The following DCAF8L2 variants were observed in gnomAD, a reference collection of about 807,000 sequenced individuals.
DCAF8L2 encodes the protein DDB1 and CUL4 associated factor 8 like 2, also known as DDB1- and CUL4-associated factor 8-like protein 2.
For synonymous variants in DCAF8L2, 200 were observed against 190.9 expected (o/e 1.05, Z -0.39); for missense variants, 430 against 490.7 (o/e 0.88, Z 1.17).
chrX:27,509,103 A>G, the DCAF8L2 span, among the ~76,000 whole-genome samples: 1 of 111,666 alleles, frequency 9.0e-6, no homozygotes, highest in African/African-American at 3.2e-5. Context: ...GTTTTTTTCT[A>G]TCAGATATTA....
chrX:27,640,124 T>C (rs750566167), intron 2 of DCAF8L2, among the ~76,000 whole-genome samples: 2 of 111,377 alleles, frequency 1.8e-5, no homozygotes, highest in Admixed American at 9.6e-5. Flanking sequence ...TGTAGGGACA[T>C]GGATGAAGCT....
At chrX:27,573,927 T>C in the DCAF8L2 span, among the ~76,000 whole-genome samples, 1 of 110,747 alleles carries the variant, frequency 9.0e-6, no homozygotes, top group African/African-American at 3.3e-5. Flanking sequence ...ATTACTGAGT[T>C]TAAGTAATCT....
intron 3 of DCAF8L2, among the ~76,000 whole-genome samples, chrX:27,711,093 T>G (rs576900832): frequency 8.9e-6 from 1 of 111,852 alleles, no homozygotes; most frequent in East Asian, 2.8e-4. Flanking sequence ...TTTTGTTCTC[T>G]TAATATGGTT....
the DCAF8L2 span, among the ~76,000 whole-genome samples, chrX:27,528,089 A>T: frequency 1.5e-5 from 1 of 68,292 alleles, no homozygotes; most frequent in South Asian, 5.6e-4. Context: ...ATTAATTATT[A>T]GACTAATTTT....
chrX:27,617,832 G>C (rs970635330), intron 1 of DCAF8L2, among the ~76,000 whole-genome samples: 3 of 111,696 alleles, frequency 2.7e-5, no homozygotes, highest in Non-Finnish European at 5.7e-5. Flanking sequence ...TTATGGGACA[G>C]AGGAACTAGA....
At chrX:27,526,666 T>G in the DCAF8L2 span, among the ~76,000 whole-genome samples, 2 of 112,281 alleles carry the variant, frequency 1.8e-5, no homozygotes, top group African/African-American at 6.5e-5. Flanking sequence ...TTATCTACCT[T>G]TGGTCTTTGA....
At chrX:27,588,844 A>G (rs1468062223), upstream of DCAF8L2, among the ~76,000 whole-genome samples, 2 of 111,086 alleles carry the variant, frequency 1.8e-5, no homozygotes, top group East Asian at 5.6e-4. Flanking sequence ...AGCTTCTAAG[A>G]CAATATAACC....
chrX:27,674,947 C>A (rs1263020747), intron 2 of DCAF8L2, among the ~76,000 whole-genome samples: 1 of 111,064 alleles, frequency 9.0e-6, no homozygotes, highest in Non-Finnish European at 1.9e-5. Flanking sequence ...CTTTTTAACA[C>A]CCAATGGAAA....
intron 3 of DCAF8L2, among the ~76,000 whole-genome samples, chrX:27,695,934 C>T (rs1930877679): frequency 9.0e-6 from 1 of 110,515 alleles, no homozygotes; most frequent in South Asian, 3.8e-4. Context: ...TGGCTCACAT[C>T]TGTAATCCCA....
intron 1 of DCAF8L2, among the ~76,000 whole-genome samples, chrX:27,604,317 T>C (rs1926780633): frequency 9.0e-6 from 1 of 110,968 alleles, no homozygotes; most frequent in Non-Finnish European, 1.9e-5. Flanking sequence ...TGCACAATAA[T>C]AAATTACATA....
chrX:27,557,452 A>G, the DCAF8L2 span, among the ~76,000 whole-genome samples: 1 of 112,339 alleles, frequency 8.9e-6, no homozygotes, highest in Admixed American at 9.5e-5. Flanking sequence ...GGTAAGCATT[A>G]CTACCATAAA....
chrX:27,632,241 A>G (rs753857918), intron 2 of DCAF8L2: 3 of 111,792 alleles, frequency 2.7e-5, no homozygotes, highest in African/African-American at 9.8e-5. Flanking sequence ...ATCTCTTGTA[A>G]AGGTATTTTT....
intron 3 of DCAF8L2, among the ~76,000 whole-genome samples, chrX:27,684,183 T>C (rs1335225543): frequency 8.9e-6 from 1 of 111,788 alleles, no homozygotes; most frequent in Non-Finnish European, 1.9e-5. Context: ...GAGCTAACGA[T>C]GTCTGGAACC....
the DCAF8L2 span, among the ~76,000 whole-genome samples, chrX:27,483,857 T>C: frequency 1.8e-5 from 2 of 111,196 alleles, no homozygotes; most frequent in Non-Finnish European, 3.8e-5. Context: ...ATAGGGGTTG[T>C]GAAGGAAAAG....
chrX:27,582,592 T>C, the DCAF8L2 span, among the ~76,000 whole-genome samples: 1 of 111,798 alleles, frequency 8.9e-6, no homozygotes, highest in African/African-American at 3.2e-5. Context: ...AAACATGATA[T>C]TGTGCCTCAG....
At chrX:27,671,621 A>G (rs1288964193) in intron 2 of DCAF8L2, among the ~76,000 whole-genome samples, 1 of 111,869 alleles carries the variant, frequency 8.9e-6, no homozygotes, top group Non-Finnish European at 1.9e-5. Flanking sequence ...CAGTCAGATA[A>G]AAACCTACTT....
At chrX:27,608,918 T>A (rs1927033985) in intron 1 of DCAF8L2, among the ~76,000 whole-genome samples, 1 of 110,683 alleles carries the variant, frequency 9.0e-6, no homozygotes, top group African/African-American at 3.3e-5. Context: ...ATTACCATGG[T>A]TTCAGCCGCA....
At chrX:27,654,088 A>T (rs1419932531) in intron 2 of DCAF8L2, among the ~76,000 whole-genome samples, 1 of 111,033 alleles carries the variant, frequency 9.0e-6, no homozygotes, top group East Asian at 2.8e-4. Flanking sequence ...GATATGTGTC[A>T]CTTTAGGGTT....
At chrX:27,545,932 A>C in the DCAF8L2 span, among the ~76,000 whole-genome samples, 1 of 111,737 alleles carries the variant, frequency 8.9e-6, no homozygotes, top group African/African-American at 3.3e-5. Flanking sequence ...CCCAAATCTC[A>C]TGCCTTTTCA....
Sources: allele counts gnomAD v4.1 joint callset (sites outside exome capture counted in the v4.1 genomes callset), GRCh38; gene constraint gnomAD v4.1.1; transcripts MANE v1.5; gene names NCBI Gene and HGNC (gene_info 2026-07-23, HGNC 2026-07-21).